The following ZMIZ1 variants were observed in gnomAD, a reference collection of about 807,000 sequenced individuals.
ZMIZ1 encodes the protein zinc finger MIZ domain-containing protein 1.
A neutral mutation model predicts 113.9 loss-of-function variants in ZMIZ1; 17 were observed. That is an observed-to-expected ratio of 0.15 (90% CI 0.10 to 0.22). The LOEUF is 0.22. Among genes scored for constraint, ZMIZ1 ranks in the 10% least tolerant of loss-of-function variants. The pLI, the probability that ZMIZ1 is intolerant of heterozygous loss-of-function variation, is 1.00. For missense variants in ZMIZ1, 1,059 were observed against 1,477.8 expected, an observed-to-expected ratio of 0.72 and a Z score of 4.65; for synonymous variants, 607 against 603.1, an observed-to-expected ratio of 1.01 and a Z score of -0.09.
rs1474657979 is a variant in ZMIZ1 at position 79,306,342 on chromosome 10, A to G, written c.2666A>G (p.Gln889Arg). The G allele has an allele frequency of 1.9e-6, 3 of 1,608,158 alleles. No homozygotes were observed. The South Asian group carries it at 3.3e-5, about 18-fold the overall frequency. The change falls in exon 22 of 25, where the codon CAA (glutamine) becomes CGA (arginine). Residue 889 changes from glutamine (Q) to arginine (R), a missense_variant and splice_region_variant. Physicochemically the swap from Gln to Arg is conservative, Grantham distance 43. Transcript: ENST00000334512. The stretch of plus-strand genomic sequence containing the variant: ...ACCAACTCCAACGACTACAGCAGCC[A>G]AGGTGGGTGATGCCAGGCAGGGAGG... Reference protein sequence around the residue: ...GGTNSNDYSSQGNNYQGHGNF... With the variant: ...GGTNSNDYSSRGNNYQGHGNF...
At chr10:79,166,171 C>G (rs1418556420) in intron 4 of ZMIZ1, among the ~76,000 whole-genome samples, 1 of 152,152 alleles carries the variant, frequency 6.6e-6, no homozygotes, top group African/African-American at 2.4e-5. Flanking sequence ...GTCCCTGCAG[C>G]GTATCCCAGG....
At chr10:79,208,484 C>T in intron 6 of ZMIZ1, 35 bp downstream of exon 6, 1 of 1,577,340 alleles carries the variant, frequency 6.3e-7, no homozygotes, top group Non-Finnish European at 8.7e-7. Context: ...CATTCCTGCC[C>T]AGGAAGGTCA....
chr10:79,143,464 C>T (rs562563375), intron 3 of ZMIZ1, among the ~76,000 whole-genome samples: 1 of 152,310 alleles, frequency 6.6e-6, no homozygotes, highest in South Asian at 2.1e-4. Context: ...CTTCAGCGTG[C>T]AGCTCTAGTC....
chr10:79,216,822 C>T (rs1848751310), intron 7 of ZMIZ1, among the ~76,000 whole-genome samples: 1 of 152,252 alleles, frequency 6.6e-6, no homozygotes, highest in Admixed American at 6.5e-5. Flanking sequence ...AATCAGTACA[C>T]TCAGGGTTCC....
At position 79,298,588 on chromosome 10, in the gene ZMIZ1, C is replaced by A; in HGVS notation, c.1666+8C>A. ...CTCTGCCACCACCCCCAGGTGAGGGCCCTCCCTCCCTCTCTTGGCAGCTCC... is the reference window on the plus strand; with the variant it reads ...CTCTGCCACCACCCCCAGGTGAGGGACCTCCCTCCCTCTCTTGGCAGCTCC... On this transcript the variant is annotated splice_region_variant and intron_variant, in intron 15 of 24. Coordinates refer to ENST00000334512, the MANE Select transcript of ZMIZ1 (RefSeq NM_020338.4). The A allele has an allele frequency of 6.3e-7, 1 of 1,588,292 alleles. No individual in the cohort carries two copies. The highest frequency in any genetic ancestry group is 2.3e-5 in the East Asian group (1 of 43,166).
At chr10:79,307,713 A>T in intron 23 of ZMIZ1, 142 bp downstream of exon 23, 1 of 966,264 alleles carries the variant, frequency 1.0e-6, no homozygotes, top group Middle Eastern at 2.5e-4. Context: ...GAGGGGTCTA[A>T]CTGAGGCTAC....
chr10:79,116,939 GA>G (rs1472566055), intron 1 of ZMIZ1, among the ~76,000 whole-genome samples: 1 of 152,216 alleles, frequency 6.6e-6, no homozygotes, highest in Non-Finnish European at 1.5e-5. Context: ...CACCATTTAT[GA>G]AACCTCACAA....
intron 7 of ZMIZ1, among the ~76,000 whole-genome samples, chr10:79,250,486 T>G (rs1436889153): frequency 6.6e-6 from 1 of 152,076 alleles, no homozygotes; most frequent in East Asian, 1.9e-4. Context: ...ATCAGGGAGG[T>G]CCTAGCATGT....
intron 6 of ZMIZ1, among the ~76,000 whole-genome samples, chr10:79,213,518 G>A (rs1848602118): frequency 1.3e-5 from 2 of 152,208 alleles, no homozygotes; most frequent in Non-Finnish European, 2.9e-5. Flanking sequence ...CCCTGCTCCA[G>A]CACCCACCCG....
intron 3 of ZMIZ1, among the ~76,000 whole-genome samples, chr10:79,144,422 C>T (rs1017998730): frequency 3.3e-5 from 5 of 152,292 alleles, no homozygotes; most frequent in Non-Finnish European, 5.9e-5. Context: ...GTGAGGAAAC[C>T]GAGGCCCAGA....
Position 79,291,138 on chromosome 10 carries a change from C to T in ZMIZ1, c.720C>T (p.Gly240=). ...AQPYIQQSMY[G]RPNYPGSGGF... The stretch of plus-strand genomic sequence containing the variant: ...CCTACATCCAGCAGAGCATGTATGG[C>T]CGGCCCAACTACCCCGGCAGCGGGG... Residue 240 remains glycine, a synonymous_variant, in exon 10 of 25, where the codon GGC becomes GGT. Coordinates refer to ENST00000334512, the MANE Select transcript of ZMIZ1 (RefSeq NM_020338.4). The T allele has an allele frequency of 1.2e-6, 2 of 1,613,134 alleles. No homozygotes were observed. The highest frequency in any genetic ancestry group is 1.7e-6 in the Non-Finnish European group (2 of 1,179,264).
chr10:79,205,367 C>T (rs1255631487), intron 5 of ZMIZ1, among the ~76,000 whole-genome samples: 1 of 152,230 alleles, frequency 6.6e-6, no homozygotes, highest in Admixed American at 6.5e-5. Flanking sequence ...CTGGCCTACA[C>T]AGCAGGCTCA....
At chr10:79,157,225 C>A (rs533428816) in intron 3 of ZMIZ1, among the ~76,000 whole-genome samples, 2 of 152,310 alleles carry the variant, frequency 1.3e-5, no homozygotes, top group Admixed American at 1.3e-4. Context: ...GACCTTACAG[C>A]TCCCTGGTGA....
At chr10:79,084,872 G>C (rs1234059304) in intron 1 of ZMIZ1, among the ~76,000 whole-genome samples, 1 of 151,980 alleles carries the variant, frequency 6.6e-6, no homozygotes, top group Non-Finnish European at 1.5e-5. Context: ...GTGGTGGGGT[G>C]GGGGTGGGGG....
At chr10:79,131,732 A>C (rs570652180) in intron 2 of ZMIZ1, among the ~76,000 whole-genome samples, 2 of 151,982 alleles carry the variant, frequency 1.3e-5, no homozygotes, top group Non-Finnish European at 2.9e-5. Flanking sequence ...GGCTGAAGTC[A>C]TGTGATAAAG....
chr10:79,311,298 C>T (rs143790602), intron 24 of ZMIZ1, 114 bp downstream of exon 24: 2,458 of 132,266 alleles, frequency 0.019, 14 homozygotes, highest in Admixed American at 0.024. Flanking sequence ...GGTGGGTGGG[C>T]GGTGGGAGGG....
chr10:79,274,604 A>C (rs1033476397), intron 7 of ZMIZ1, among the ~76,000 whole-genome samples: 1 of 147,758 alleles, frequency 6.8e-6, no homozygotes, highest in Non-Finnish European at 1.5e-5. Flanking sequence ...CACAACATCC[A>C]CTGCCCCGCA....
intron 4 of ZMIZ1, among the ~76,000 whole-genome samples, chr10:79,195,566 C>T (rs1367778001): frequency 3.9e-5 from 6 of 152,220 alleles, no homozygotes; most frequent in Non-Finnish European, 4.4e-5. Context: ...TCCAGGAGCC[C>T]GGAGGCGGAG....
chr10:79,213,527 C>T (rs1222889862), intron 6 of ZMIZ1, among the ~76,000 whole-genome samples: 3 of 152,220 alleles, frequency 2.0e-5, no homozygotes, highest in African/African-American at 7.2e-5. Flanking sequence ...AGCACCCACC[C>T]GGCTGGCCCT....
Sources: gnomAD v4.1 joint callset for allele counts (sites outside exome capture counted in the v4.1 genomes callset) on GRCh38, gnomAD v4.1.1 for gene constraint, MANE v1.5 for transcripts, NCBI Gene and HGNC (gene_info 2026-07-23, HGNC 2026-07-21) for gene names.